Variants in POLI observed in about 807,000 individuals in gnomAD.
POLI encodes RAD30 homolog B.
A neutral mutation model predicts 51.6 loss-of-function variants in POLI; 58 were observed. That is an observed-to-expected ratio of 1.12 (90% CI 0.91 to 1.40). POLI has a LOEUF of 1.40. POLI is among the 40% of genes most tolerant of loss of function. POLI has a pLI of 0.00. For missense variants in POLI, 921 were observed against 871.3 expected (o/e 1.06, Z -0.72); for synonymous variants, 322 against 299.7 (o/e 1.07, Z -0.77).
chr18:54,272,670 C>T (rs2087057678), intron 2 of POLI, among the ~76,000 whole-genome samples: 1 of 151,074 alleles, frequency 6.6e-6, no homozygotes, highest in Non-Finnish European at 1.5e-5. Flanking sequence ...GACGGTTTCA[C>T]CATGTTGCCC....
intron 2 of POLI, among the ~76,000 whole-genome samples, chr18:54,273,593 C>CT (rs1195609432): frequency 5.1e-4 from 77 of 152,118 alleles, no homozygotes; most frequent in African/African-American, 1.7e-3. Flanking sequence ...GATCTATCGT[C>CT]TAACTTTTAA....
intron 9 of POLI, among the ~76,000 whole-genome samples, chr18:54,292,592 T>C (rs1416872053): frequency 6.6e-6 from 1 of 152,140 alleles, no homozygotes; most frequent in East Asian, 1.9e-4. Flanking sequence ...CTTTTATTAA[T>C]AGACAAACCA....
chr18:54,318,779 G>A (rs968422982), intron 3 of POLI, among the ~76,000 whole-genome samples: 1 of 152,112 alleles, frequency 6.6e-6, no homozygotes, highest in African/African-American at 2.4e-5. Context: ...TGAATGGCTA[G>A]GTGAGGCACC....
At chr18:54,299,171 A>G (rs995464663), downstream of POLI, among the ~76,000 whole-genome samples, 5 of 152,282 alleles carry the variant, frequency 3.3e-5, no homozygotes, top group African/African-American at 4.8e-5. Flanking sequence ...GTGGTGGCTC[A>G]TGCTTGTAAT....
chr18:54,315,186 T>C (rs1030190251), intron 3 of POLI, among the ~76,000 whole-genome samples: 2 of 152,110 alleles, frequency 1.3e-5, no homozygotes, highest in African/African-American at 4.8e-5. Context: ...ATTTCAAAGA[T>C]TTTTGGATAT....
At chr18:54,269,965 A>G in intron 1 of POLI, 1 of 1,146,056 alleles carries the variant, frequency 8.7e-7, no homozygotes, top group Non-Finnish European at 1.1e-6. Context: ...GCCCGACGAA[A>G]ACTGCAGAGG....
At chr18:54,317,607 A>C (rs1015389126) in intron 3 of POLI, among the ~76,000 whole-genome samples, 1 of 152,184 alleles carries the variant, frequency 6.6e-6, no homozygotes, top group African/African-American at 2.4e-5. Context: ...TTATGTTTGT[A>C]ATCCCAGTGC....
chr18:54,307,983 C>T (rs984482052), intron 3 of POLI, among the ~76,000 whole-genome samples: 6 of 151,878 alleles, frequency 4.0e-5, no homozygotes, highest in Middle Eastern at 3.4e-3. Flanking sequence ...TGTCTCTGCA[C>T]GTGAGATGGG....
intron 7 of POLI, among the ~76,000 whole-genome samples, chr18:54,285,212 G>A (rs1188629233): frequency 6.6e-6 from 1 of 152,168 alleles, no homozygotes; most frequent in Admixed American, 6.6e-5. Flanking sequence ...CTGGGCCTGC[G>A]AGTATGCTAG....
chr18:54,317,394 A>G (rs919568273), intron 3 of POLI, among the ~76,000 whole-genome samples: 1 of 152,230 alleles, frequency 6.6e-6, no homozygotes, highest in Admixed American at 6.5e-5. Flanking sequence ...ATATTCATAC[A>G]AGTGTGTACA....
chr18:54,305,905 C>A (rs1372227350), intron 3 of POLI, among the ~76,000 whole-genome samples: 2 of 152,060 alleles, frequency 1.3e-5, no homozygotes, highest in African/African-American at 4.8e-5. Context: ...ACTACAGGTG[C>A]CTGCCACTAC....
chr18:54,270,131 C>A, intron 1 of POLI: 1 of 669,578 alleles, frequency 1.5e-6, no homozygotes, highest in Non-Finnish European at 1.8e-6. Flanking sequence ...ACTTCCAGCT[C>A]TGGTCTTTAC....
At chr18:54,292,671 C>T (rs1196936490) in intron 9 of POLI, among the ~76,000 whole-genome samples, 1 of 152,056 alleles carries the variant, frequency 6.6e-6, no homozygotes, top group African/African-American at 2.4e-5. Context: ...CTATAATTAA[C>T]TCAATTTAAA....
rs543894297 is a variant in POLI, at chr18:54,292,106, A to G, written c.1404+68A>G. 3.4e-5 allele frequency: 32 copies of G among 930,404 alleles called. No homozygotes were observed. In the East Asian group the frequency reaches 7.8e-4, roughly 23 times the overall value. 57.6% of individuals were successfully genotyped at this position (930,404 alleles called of 1,614,324 possible). On this transcript the variant is annotated intron_variant, in intron 9 of 9. Coordinates refer to ENST00000579534, the MANE Select transcript of POLI (RefSeq NM_007195.3). Reference sequence around the variant, plus strand: ...ATGGGATTTGTGTGGTTACATTACAAATCTAAGTGCTTGTCTTTTTGATAT... The same window carrying G: ...ATGGGATTTGTGTGGTTACATTACAGATCTAAGTGCTTGTCTTTTTGATAT...
intron 4 of POLI, among the ~76,000 whole-genome samples, chr18:54,279,345 C>A (rs2087393955): frequency 6.7e-6 from 1 of 150,262 alleles, no homozygotes; most frequent in Admixed American, 6.7e-5. Context: ...TGGGTTCAAG[C>A]AATTCTCCTG....
chr18:54,285,371 G>A (rs1485330183), intron 7 of POLI, among the ~76,000 whole-genome samples: 1 of 152,124 alleles, frequency 6.6e-6, no homozygotes, highest in Non-Finnish European at 1.5e-5. Flanking sequence ...GAGACCAGGT[G>A]CTCTAAACCT....
intron 7 of POLI, among the ~76,000 whole-genome samples, chr18:54,285,147 G>A (rs1258207814): frequency 6.6e-6 from 1 of 152,136 alleles, no homozygotes; most frequent in African/African-American, 2.4e-5. Flanking sequence ...GCTCATTGTT[G>A]GCTGCATGCA....
chr18:54,305,925 A>T (rs879509937), intron 3 of POLI, among the ~76,000 whole-genome samples: 2 of 151,722 alleles, frequency 1.3e-5, no homozygotes, highest in Non-Finnish European at 2.9e-5. Flanking sequence ...CGCCTGGCTA[A>T]TTTTTTGTAT....
chr18:54,303,440 A>G (rs973238280), intron 3 of POLI, among the ~76,000 whole-genome samples: 1 of 152,218 alleles, frequency 6.6e-6, no homozygotes, highest in African/African-American at 2.4e-5. Flanking sequence ...ATATGAGGTA[A>G]TACAAATATT....
Sources: gnomAD v4.1 joint callset for allele counts (sites outside exome capture counted in the v4.1 genomes callset) on GRCh38, gnomAD v4.1.1 for gene constraint, MANE v1.5 for transcripts, NCBI Gene and HGNC (gene_info 2026-07-23, HGNC 2026-07-21) for gene names.